WARS2: variants seen among roughly 807,000 people sequenced by gnomAD.
WARS2 encodes the protein tryptophan--tRNA ligase, mitochondrial.
A neutral mutation model predicts 36.5 loss-of-function variants in WARS2; 28 were observed. The ratio of observed to expected loss-of-function variants is 0.77; its 90% CI spans 0.57 to 1.05. The LOEUF is 1.05. Among genes scored for constraint, WARS2 ranks in the 50% least tolerant of loss-of-function variants. WARS2 has a pLI of 0.00. For missense variants in WARS2, 435 were observed against 456.8 expected, an observed-to-expected ratio of 0.95 and a Z score of 0.44; for synonymous variants, 174 against 178.4, an observed-to-expected ratio of 0.98 and a Z score of 0.20.
At chr1:119,123,506 T>C (rs1241763211) in intron 1 of WARS2, among the ~76,000 whole-genome samples, 4 of 152,224 alleles carry the variant, frequency 2.6e-5, no homozygotes, top group African/African-American at 9.6e-5. Context: ...AAGTAGTTGA[T>C]ACTCCTTATC....
intron 1 of WARS2, among the ~76,000 whole-genome samples, chr1:119,138,637 C>T (rs1274107462): frequency 6.6e-6 from 1 of 152,044 alleles, no homozygotes; most frequent in Non-Finnish European, 1.5e-5. Flanking sequence ...AACATAACAT[C>T]GTAATAACAC....
Position 119,077,593 on chromosome 1 carries a change from C to T in WARS2, c.91-986G>A, listed in dbSNP as rs185710107. 6.7e-4 allele frequency among the ~76,000 whole-genome samples: 102 copies of T among 152,064 alleles called. 1 individual carries two copies. The Middle Eastern group carries it at 0.017, about 25-fold the overall frequency. On this transcript the variant is annotated intron_variant, in intron 1 of 5. Coordinates refer to ENST00000235521, the MANE Select transcript of WARS2 (RefSeq NM_015836.4). ...ATTTACATTTTCTATGCCTTGGTTT[C>T]CTTTTACTTTTAATAAAATCATATT...
At chr1:119,126,897 C>A in intron 1 of WARS2, 1 of 800,804 alleles carries the variant, frequency 1.2e-6, no homozygotes, top group Non-Finnish European at 2.1e-6. Context: ...CTGATTGTTG[C>A]ATTTTTTAGT....
In WARS2 at chr1:119,106,348, C is replaced by T. The variant is rs769994131; in HGVS notation, c.91-29741G>A. On this transcript the variant is annotated intron_variant, in intron 1 of 5. Coordinates refer to ENST00000235521, the MANE Select transcript of WARS2 (RefSeq NM_015836.4). ...CAAACTCCACAGTTTACACTAGGGT[C>T]TTCCCTTGGGAGTTGTATATTCTAT... Among the ~76,000 whole-genome samples, 8 of 152,280 alleles carry T rather than the reference C, an allele frequency of 5.3e-5. 1 individual carries two copies. The highest frequency in any genetic ancestry group is 1.9e-4 in the African/African-American group (8 of 41,564).
At chr1:119,069,278 AT>A (rs1227810875) in intron 2 of WARS2, among the ~76,000 whole-genome samples, 1 of 152,164 alleles carries the variant, frequency 6.6e-6, no homozygotes, top group African/African-American at 2.4e-5. Context: ...TTACTTGTAA[AT>A]AATTGTGTGA....
chr1:119,069,394 T>C (rs1651127926), intron 2 of WARS2, among the ~76,000 whole-genome samples: 1 of 152,202 alleles, frequency 6.6e-6, no homozygotes, highest in African/African-American at 2.4e-5. Context: ...TAATGATCAA[T>C]TAAATGCTTA....
intron 1 of WARS2, among the ~76,000 whole-genome samples, chr1:119,122,665 TAAAG>T (rs775718369): frequency 6.6e-6 from 1 of 152,002 alleles, no homozygotes; most frequent in Non-Finnish European, 1.5e-5. Context: ...ACCAAGTGGG[TAAAG>T]AAAGTGTGGC....
At chr1:119,127,699 C>T (rs866506885) in intron 1 of WARS2, among the ~76,000 whole-genome samples, 1 of 152,162 alleles carries the variant, frequency 6.6e-6, no homozygotes, top group Non-Finnish European at 1.5e-5. Flanking sequence ...AGCAAACTTA[C>T]CTAGACCCAC....
In WARS2 at chr1:119,032,677, C is replaced by G. The variant is rs1647523513; in HGVS notation, c.*234G>C. ...CCTCAATAATTGGGGATTCAGACAG[C>G]TATGCCTTCTTGATTTATTTTTTGT... On this transcript the variant is annotated 3_prime_UTR_variant, in exon 6 of 6. Transcript: ENST00000235521. 7 of 534,626 alleles carry G rather than the reference C, an allele frequency of 1.3e-5. No homozygotes were observed. In the East Asian group the frequency reaches 2.3e-4, roughly 17 times the overall value. The allele number at this position is 534,626 out of a possible 1,614,324, so 33.1% of individuals were successfully genotyped here.
At chr1:119,130,026 G>A (rs17186024) in intron 1 of WARS2, among the ~76,000 whole-genome samples, 13,753 of 152,120 alleles carry the variant, frequency 0.09, 853 homozygotes, top group Non-Finnish European at 0.13. Context: ...GTGTAACGGT[G>A]CAGTGAGACC....
intron 4 of WARS2, among the ~76,000 whole-genome samples, chr1:119,039,914 A>T (rs182368922): frequency 4.5e-4 from 69 of 152,296 alleles, no homozygotes; most frequent in African/African-American, 1.4e-3. Context: ...CTACCATTCT[A>T]CCTGTCTACA....
chr1:119,082,309 C>T lies in WARS2; in HGVS notation c.91-5702G>A, dbSNP rs587765286. ...CCATTTTCAAATTTCAAGAGTTACA[C>T]ATCTATTTTCCTTACACGTGCTGTA... On this transcript the variant is annotated intron_variant, in intron 1 of 5. Transcript: ENST00000235521. 17 of 985,408 alleles carry T rather than the reference C, an allele frequency of 1.7e-5. No individual in the cohort carries two copies. The East Asian group carries it at 1.8e-3, about 105-fold the overall frequency. 61.0% of individuals were successfully genotyped at this position (985,408 alleles called of 1,614,324 possible). A position where few individuals can be genotyped will look rare whatever the true frequency, so the allele number is the denominator to read the frequency against.
chr1:119,065,035 A>G (rs1187749376), intron 2 of WARS2, among the ~76,000 whole-genome samples: 1 of 152,184 alleles, frequency 6.6e-6, no homozygotes, highest in Non-Finnish European at 1.5e-5. Context: ...ATATTCTTTG[A>G]TTAATATGTA....
chr1:119,045,524 T>A (rs761714890), intron 3 of WARS2, 58 bp downstream of exon 3: 325 of 1,465,086 alleles, frequency 2.2e-4, no homozygotes, highest in Non-Finnish European at 2.9e-4. Flanking sequence ...TCCCAGAGCC[T>A]AACAGGAAGG....
chr1:119,040,542 G>A (rs947069403), intron 4 of WARS2, among the ~76,000 whole-genome samples: 1 of 152,098 alleles, frequency 6.6e-6, no homozygotes, highest in African/African-American at 2.4e-5. Context: ...CCCAGGCTGG[G>A]CTCAAGTGAT....
At position 119,140,610 on chromosome 1, in the gene WARS2, C is replaced by G. The variant is rs1206574954; in HGVS notation, c.35G>C (p.Arg12Pro). 1 of 1,613,882 alleles carries G rather than the reference C, an allele frequency of 6.2e-7. No individual in the cohort carries two copies. The highest frequency in any genetic ancestry group is 8.5e-7 in the Non-Finnish European group (1 of 1,179,846). Residue 12 changes from arginine (R) to proline (P), a missense_variant, in exon 1 of 6, where the codon CGC (arginine) becomes CCC (proline). Coordinates refer to ENST00000235521, the MANE Select transcript of WARS2 (RefSeq NM_015836.4). The part of the protein sequence containing the change: ...ALHSMRKARE[R>P]WSFIRALHKG... Reference sequence around the variant, plus strand: ...ATGAAGTGCCCGGATGAAGCTCCAGCGCTCACGCGCTTTCCGCATTGAGTG... The same window carrying G: ...ATGAAGTGCCCGGATGAAGCTCCAGGGCTCACGCGCTTTCCGCATTGAGTG...
rs1163967746 is a variant in WARS2, at chr1:119,093,743, C to G, written c.91-17136G>C. On this transcript the variant is annotated intron_variant, in intron 1 of 5. Transcript: ENST00000235521. ...ATACATTTCTGTTCTTTTAGGCCACCCAGTTTGTGGTACTTGGTTATGGCA... is the reference window on the plus strand; with the variant it reads ...ATACATTTCTGTTCTTTTAGGCCACGCAGTTTGTGGTACTTGGTTATGGCA... Among the ~76,000 whole-genome samples, 5 of 152,084 alleles carry G rather than the reference C, an allele frequency of 3.3e-5. No individual in the cohort carries two copies. The East Asian group carries it at 9.6e-4, about 29-fold the overall frequency.
chr1:119,106,979 T>TTGG (rs1654282906), intron 1 of WARS2, among the ~76,000 whole-genome samples: 1 of 152,142 alleles, frequency 6.6e-6, no homozygotes, highest in South Asian at 2.1e-4. Flanking sequence ...TTGGAGGTAT[T>TTGG]AGTGCTTTGA....
In WARS2 at chr1:119,131,463, T is replaced by TGG. The variant is rs746950344; in HGVS notation, c.90+9091_90+9092insCC. ...CGGACTGTGCAAAGTTTTTTGTTTTTTGTTTTTTTTTTTTTTGAGACGTAG... is the reference window on the plus strand; with the variant it reads ...CGGACTGTGCAAAGTTTTTTGTTTTTGGTGTTTTTTTTTTTTTTGAGACGTAG... On this transcript the variant is annotated intron_variant, in intron 1 of 5. Transcript: ENST00000235521. 3.4e-5 allele frequency among the ~76,000 whole-genome samples: 5 copies of TGG among 145,698 alleles called. No homozygotes were observed. The East Asian group carries it at 5.9e-4, about 17-fold the overall frequency.
Sources: allele counts gnomAD v4.1 joint callset (sites outside exome capture counted in the v4.1 genomes callset), GRCh38; gene constraint gnomAD v4.1.1; transcripts MANE v1.5; gene names NCBI Gene and HGNC (gene_info 2026-07-23, HGNC 2026-07-21).